Variants in CKAP5 observed in about 807,000 individuals in gnomAD.
The protein encoded by CKAP5 is cytoskeleton associated protein 5, also known as cytoskeleton-associated protein 5.
Under a neutral mutation model 232.8 loss-of-function variants are expected in CKAP5, and 27 were observed. The ratio of observed to expected loss-of-function variants is 0.12; its 90% CI spans 0.09 to 0.16. CKAP5 has a LOEUF of 0.16. Ranked by LOEUF, CKAP5 falls within the 10% of genes least tolerant of loss-of-function variation. The pLI is 1.00. For synonymous variants in CKAP5, 785 were observed against 841.1 expected (o/e 0.93, Z 1.16); for missense variants, 1,838 against 2,424.7 (o/e 0.76, Z 5.08).
At chr11:46,788,589 C>A in intron 16 of CKAP5, 92 bp downstream of exon 16, 1 of 773,864 alleles carries the variant, frequency 1.3e-6, no homozygotes. Flanking sequence ...AAAAAAAAAT[C>A]ATTACGAAAA....
intron 1 of CKAP5, among the ~76,000 whole-genome samples, chr11:46,821,585 C>T (rs1461204053): frequency 9.2e-5 from 14 of 151,992 alleles, no homozygotes; most frequent in African/African-American, 3.4e-4. Flanking sequence ...CCACCACGCC[C>T]GGCTAATTTT....
At chr11:46,821,051 T>C in intron 2 of CKAP5, 124 bp downstream of exon 2, 1 of 575,282 alleles carries the variant, frequency 1.7e-6, no homozygotes, top group Non-Finnish European at 2.9e-6. Context: ...AAATAACATA[T>C]CTAACAAGGC....
At position 46,780,212 on chromosome 11, in the gene CKAP5, T is replaced by C. The variant is rs750054410; in HGVS notation, c.2415A>G (p.Ile805Met). 1.2e-6 allele frequency: 2 copies of C among 1,614,114 alleles called. No individual in the cohort carries two copies. Among genetic ancestry groups the C allele is most frequent in the East Asian group, 4.5e-5 (2 of 44,866 alleles). The change falls in exon 20 of 44, where the codon ATA (isoleucine) becomes ATG (methionine). Residue 805 changes from isoleucine (I) to methionine (M), a missense_variant. By Grantham distance (10) the Ile-to-Met change is conservative. Around this residue, in one of 6 missense-constraint regions of CKAP5, gnomAD observed 767 missense variants for 954.6 expected, o/e 0.80. Transcript: ENST00000529230. ...EDEKPALLSQ[I>M]DAEFEKMQGQ... ...ATTCTACCTTCTCAAATTCTGCATC[T>C]ATCTGGGATAGGAGGGCAGGCTTCT...
At chr11:46,799,753 CT>C (rs1203729996) in intron 9 of CKAP5, among the ~76,000 whole-genome samples, 3 of 152,182 alleles carry the variant, frequency 2.0e-5, no homozygotes, top group African/African-American at 7.2e-5. Context: ...AATCCCAGCA[CT>C]TTGGGAGGCT....
At chr11:46,772,630 TC>T (rs1565727662) in intron 24 of CKAP5, among the ~76,000 whole-genome samples, 1 of 152,242 alleles carries the variant, frequency 6.6e-6, no homozygotes, top group Non-Finnish European at 1.5e-5. Flanking sequence ...TCTCTGTTGT[TC>T]CAATGATCTA....
At chr11:46,801,114 G>C (rs2134656572) in intron 9 of CKAP5, 86 bp downstream of exon 9, 2 of 848,238 alleles carry the variant, frequency 2.4e-6, no homozygotes, top group Middle Eastern at 4.5e-4. Flanking sequence ...TCTATGCCAA[G>C]GAGTTGTTTT....
chr11:46,809,977 T>C (rs906590726), intron 5 of CKAP5, 103 bp from the exon 6 acceptor site: 2 of 1,137,934 alleles, frequency 1.8e-6, no homozygotes, highest in Non-Finnish European at 2.5e-6. Context: ...ATTTCTTTCT[T>C]TTTTTTTTAT....
chr11:46,830,970 C>CAGGA (rs1939778955), intron 1 of CKAP5, among the ~76,000 whole-genome samples: 1 of 152,024 alleles, frequency 6.6e-6, no homozygotes, highest in African/African-American at 2.4e-5. Context: ...GAGGCTGAGG[C>CAGGA]AGGAGAATGG....
rs201805310 is a variant in CKAP5 at position 46,783,262 on chromosome 11, G to A, written c.2249+12C>T. 9.8e-5 allele frequency: 146 copies of A among 1,492,842 alleles called. No homozygotes were observed. The highest frequency in any genetic ancestry group is 1.3e-4 in the Non-Finnish European group (136 of 1,072,998). 92.5% of individuals were successfully genotyped at this position (1,492,842 alleles called of 1,614,324 possible). A position where few individuals can be genotyped will look rare whatever the true frequency, so the allele number is the denominator to read the frequency against. On this transcript the variant is annotated intron_variant, in intron 18 of 43. Coordinates refer to ENST00000529230, the MANE Select transcript of CKAP5 (RefSeq NM_001008938.4). Reference sequence around the variant, plus strand: ...ATTTAACTATTTTCCACTTGATTTCGTTCTGACTTACCCAGAAAAACCAAA... The same window carrying A: ...ATTTAACTATTTTCCACTTGATTTCATTCTGACTTACCCAGAAAAACCAAA...
chr11:46,831,042 G>T (rs1438998432), intron 1 of CKAP5, among the ~76,000 whole-genome samples: 2 of 152,100 alleles, frequency 1.3e-5, no homozygotes, highest in Admixed American at 1.3e-4. Context: ...TCCAGGCTGG[G>T]CAACAAAGTG....
At chr11:46,798,606 A>C (rs1341786854) in intron 9 of CKAP5, among the ~76,000 whole-genome samples, 1 of 152,016 alleles carries the variant, frequency 6.6e-6, no homozygotes, top group East Asian at 1.9e-4. Flanking sequence ...AGCAGTCACA[A>C]AGACCATGTA....
At chr11:46,765,733 T>C (rs1172416214) in intron 27 of CKAP5, among the ~76,000 whole-genome samples, 1 of 151,462 alleles carries the variant, frequency 6.6e-6, no homozygotes, top group Non-Finnish European at 1.5e-5. Context: ...GCCTCCTCAG[T>C]AGGTGGGACC....
chr11:46,770,043 G>C lies in CKAP5; in HGVS notation c.3242C>G (p.Pro1081Arg), dbSNP rs771458692. 8 of 1,613,974 alleles carry C rather than the reference G, an allele frequency of 5.0e-6. No homozygotes were observed. The highest frequency in any genetic ancestry group is 2.5e-6 in the Non-Finnish European group (3 of 1,179,974). ...AMLEKAKVNM[P>R]AKPAPPTKAT... is the part of the protein sequence containing the mutation. ...TTTAGTGGGTGGAGCAGGCTTGGCT[G>C]GCATGTTAACTTTGGCTTTCTCTAG... Residue 1081 changes from proline (P) to arginine (R), a missense_variant, in exon 26 of 44, where the codon CCA becomes CGA. Pro to Arg is a moderately radical substitution (Grantham distance 103). This residue lies in a region of CKAP5 where 767 missense variants were observed against 954.6 expected (regional missense o/e 0.80). Transcript: ENST00000529230.
intron 16 of CKAP5, among the ~76,000 whole-genome samples, chr11:46,785,281 C>G (rs1287378477): frequency 2.0e-5 from 3 of 152,168 alleles, no homozygotes; most frequent in Non-Finnish European, 4.4e-5. Context: ...TGTTACGCCA[C>G]TAGAAATCCT....
At chr11:46,840,438 G>A (rs1224988164) in intron 1 of CKAP5, among the ~76,000 whole-genome samples, 1 of 152,170 alleles carries the variant, frequency 6.6e-6, no homozygotes, top group Admixed American at 6.5e-5. Flanking sequence ...CCCCATTAAA[G>A]GAGCATAAGA....
At chr11:46,744,904 G>T (rs1019213757) in intron 42 of CKAP5, among the ~76,000 whole-genome samples, 1 of 152,172 alleles carries the variant, frequency 6.6e-6, no homozygotes, top group African/African-American at 2.4e-5. Flanking sequence ...TAAGCATACT[G>T]TAATTGCCCA....
At chr11:46,765,059 T>C in intron 28 of CKAP5, 72 bp downstream of exon 28, 2 of 1,425,624 alleles carry the variant, frequency 1.4e-6, no homozygotes, top group East Asian at 2.4e-5. Context: ...ATAACATGAA[T>C]TCAGACAGCA....
In CKAP5 at chr11:46,751,412, T is replaced by C; in HGVS notation, c.5256A>G (p.Lys1752=). Residue 1752 remains lysine (K), a synonymous_variant, in exon 39 of 44, where the codon AAA becomes AAG. Coordinates refer to ENST00000529230, the MANE Select transcript of CKAP5 (RefSeq NM_001008938.4). ...TTAGGGTCCTTATGGGAAATTCACT[T>C]TTGCATTGCTTCAGTTTCTCTTTGG... The part of the protein sequence containing the change: ...VFPKEKLKQC[K]SEFPIRTLKT... 1 of 1,614,114 alleles carries C rather than the reference T, an allele frequency of 6.2e-7. No individual in the cohort carries two copies. The highest frequency in any genetic ancestry group is 8.5e-7 in the Non-Finnish European group (1 of 1,180,016).
At chr11:46,831,541 T>C (rs1215614476) in intron 1 of CKAP5, among the ~76,000 whole-genome samples, 3 of 152,160 alleles carry the variant, frequency 2.0e-5, no homozygotes, top group Non-Finnish European at 4.4e-5. Flanking sequence ...CTGTTTTTTG[T>C]TTTTTGAGAC....
Sources: allele counts gnomAD v4.1 joint callset (sites outside exome capture counted in the v4.1 genomes callset), GRCh38; gene constraint gnomAD v4.1.1; regional missense constraint gnomAD v4.1.1; transcripts MANE v1.5; gene names NCBI Gene and HGNC (gene_info 2026-07-23, HGNC 2026-07-21).